Variants in KIF13B observed in about 807,000 individuals in gnomAD.
KIF13B encodes the protein kinesin-like protein KIF13B.
A neutral mutation model predicts 222.0 loss-of-function variants in KIF13B; 127 were observed. The ratio of observed to expected loss-of-function variants is 0.57; its 90% CI spans 0.50 to 0.66. The LOEUF (loss-of-function observed/expected upper bound fraction) is 0.66. KIF13B is among the 30% of genes least tolerant of loss of function. The pLI is 0.00. For synonymous variants in KIF13B, 976 were observed against 919.0 expected (o/e 1.06, Z -1.12); for missense variants, 2,173 against 2,379.0 (o/e 0.91, Z 1.80).
intron 21 of KIF13B, among the ~76,000 whole-genome samples, chr8:29,138,934 A>G (rs1810685268): frequency 6.6e-6 from 1 of 152,112 alleles, no homozygotes; most frequent in Admixed American, 6.5e-5. Flanking sequence ...CAAATTACTA[A>G]TTTTGGCAAT....
chr8:29,127,990 TA>T, intron 24 of KIF13B, among the ~76,000 whole-genome samples: 1 of 151,728 alleles, frequency 6.6e-6, no homozygotes, highest in African/African-American at 2.4e-5. Context: ...TATGACATGT[TA>T]AAGTACCAGT....
At chr8:29,199,385 C>T (rs565581090) in intron 2 of KIF13B, among the ~76,000 whole-genome samples, 4 of 152,018 alleles carry the variant, frequency 2.6e-5, no homozygotes, top group Non-Finnish European at 5.9e-5. Context: ...GAAAAGTCAA[C>T]CCGTCTAGCA....
chr8:29,077,088 C>T (rs989873011), intron 37 of KIF13B, among the ~76,000 whole-genome samples: 2 of 152,214 alleles, frequency 1.3e-5, no homozygotes, highest in African/African-American at 2.4e-5. Context: ...CCCAGGACAG[C>T]TAGGACCAGG....
intron 37 of KIF13B, among the ~76,000 whole-genome samples, chr8:29,090,348 A>G: frequency 6.6e-6 from 1 of 152,322 alleles, no homozygotes; most frequent in East Asian, 1.9e-4. Context: ...AGATTTATGC[A>G]TGGAAGGAAA....
intron 14 of KIF13B, among the ~76,000 whole-genome samples, chr8:29,152,410 T>A (rs1304430573): frequency 2.6e-5 from 4 of 152,132 alleles, no homozygotes; most frequent in Non-Finnish European, 5.9e-5. Context: ...AGAGAAATCG[T>A]TCTTGAAAGA....
chr8:29,176,221 A>G, intron 9 of KIF13B, 42 bp from the exon 10 acceptor site: 3 of 1,167,088 alleles, frequency 2.6e-6, no homozygotes, highest in Non-Finnish European at 3.8e-6. Flanking sequence ...AAAATGAAAT[A>G]TATCAAATGT....
intron 35 of KIF13B, among the ~76,000 whole-genome samples, chr8:29,107,330 C>A (rs1296874999): frequency 6.6e-6 from 1 of 151,916 alleles, no homozygotes; most frequent in Non-Finnish European, 1.5e-5. Flanking sequence ...GAGTTTGAGA[C>A]CAGCCTGGCC....
At chr8:29,122,775 AC>A in intron 28 of KIF13B, 129 bp from the exon 29 acceptor site, 1 of 700,456 alleles carries the variant, frequency 1.4e-6, no homozygotes, top group Non-Finnish European at 2.5e-6. Flanking sequence ...CCCTGATTTT[AC>A]TCTAATCCAG....
At chr8:29,228,540 A>T (rs1563808361) in intron 2 of KIF13B, among the ~76,000 whole-genome samples, 1 of 149,844 alleles carries the variant, frequency 6.7e-6, no homozygotes, top group African/African-American at 2.5e-5. Context: ...AGACTAACAA[A>T]CCTAGCATCC....
At chr8:29,087,512 A>G (rs771940853) in intron 37 of KIF13B, among the ~76,000 whole-genome samples, 4 of 152,256 alleles carry the variant, frequency 2.6e-5, no homozygotes, top group Non-Finnish European at 5.9e-5. Context: ...ACCACATAAT[A>G]AAAGAGAAGT....
rs549072189 is a variant in KIF13B at position 29,080,846 on chromosome 8, C to T, written c.4459-5503G>A. On this transcript the variant is annotated intron_variant, in intron 37 of 39. Transcript: ENST00000524189. ...AAGCAGTGCCTCGAAGGACTCAACACCAGAAGGCAACCATGGGTTTCTGAC... is the reference window on the plus strand; with the variant it reads ...AAGCAGTGCCTCGAAGGACTCAACATCAGAAGGCAACCATGGGTTTCTGAC... 3.3e-5 allele frequency among the ~76,000 whole-genome samples: 5 copies of T among 152,280 alleles called. 1 individual carries two copies. The East Asian group carries it at 5.8e-4, about 18-fold the overall frequency.
At chr8:29,132,837 G>A (rs1365050946) in intron 22 of KIF13B, among the ~76,000 whole-genome samples, 2 of 152,156 alleles carry the variant, frequency 1.3e-5, no homozygotes, top group African/African-American at 4.8e-5. Flanking sequence ...AAGGTAGTGT[G>A]TTGCAAAAAC....
Position 29,167,514 on chromosome 8 carries a change from T to C in KIF13B, c.1017A>G (p.Glu339=). Residue 339 remains glutamate (E), a synonymous_variant, in exon 11 of 40, where the codon GAA becomes GAG. Coordinates refer to ENST00000524189, the MANE Select transcript of KIF13B (RefSeq NM_015254.4). ...TVSPAADNYD[E]TLSTLRYADR... ...CTGCATACCGCAGAGTTGAGAGGGTTTCATCATAGTTATCAGCTGCAGGAC... is the reference window on the plus strand; with the variant it reads ...CTGCATACCGCAGAGTTGAGAGGGTCTCATCATAGTTATCAGCTGCAGGAC... 1 of 1,614,040 alleles carries C rather than the reference T, an allele frequency of 6.2e-7. No individual in the cohort carries two copies. Among genetic ancestry groups the C allele is most frequent in the South Asian group, 1.1e-5 (1 of 91,086 alleles).
intron 10 of KIF13B, among the ~76,000 whole-genome samples, chr8:29,170,277 T>C (rs527791662): frequency 7.0e-4 from 106 of 152,342 alleles, no homozygotes; most frequent in African/African-American, 2.5e-3. Context: ...TGTGAAGACA[T>C]ATAATCCAAT....
At chr8:29,156,657 C>T (rs1206518206) in intron 13 of KIF13B, among the ~76,000 whole-genome samples, 1 of 151,770 alleles carries the variant, frequency 6.6e-6, no homozygotes, top group African/African-American at 2.4e-5. Context: ...AGATCACAGG[C>T]AGGCACCACC....
intron 37 of KIF13B, among the ~76,000 whole-genome samples, chr8:29,090,555 C>T (rs538976603): frequency 3.3e-5 from 5 of 151,974 alleles, no homozygotes; most frequent in East Asian, 3.9e-4. Context: ...GAGGACAAGG[C>T]GGTGTGGGCA....
intron 10 of KIF13B, among the ~76,000 whole-genome samples, chr8:29,169,474 T>C (rs1284169675): frequency 6.6e-6 from 1 of 152,242 alleles, no homozygotes; most frequent in Non-Finnish European, 1.5e-5. Context: ...CCAAATTATC[T>C]TGCCCTAGTT....
chr8:29,245,533 T>G lies in KIF13B; in HGVS notation c.56-94A>C, dbSNP rs936443767. ...GAAAAGACAAAAATTCAATACTCTT[T>G]CATAATGCAAACACTCAATGAAGTA... On this transcript the variant is annotated intron_variant, in intron 1 of 39. Coordinates refer to ENST00000524189, the MANE Select transcript of KIF13B (RefSeq NM_015254.4). The G allele has an allele frequency of 3.6e-6, 3 of 839,280 alleles. No homozygotes were observed. The African/African-American group carries it at 5.2e-5, about 15-fold the overall frequency. 52.0% of individuals were successfully genotyped at this position (839,280 alleles called of 1,614,324 possible).
intron 2 of KIF13B, among the ~76,000 whole-genome samples, chr8:29,202,941 G>A (rs1813764233): frequency 6.6e-6 from 1 of 151,870 alleles, no homozygotes; most frequent in South Asian, 2.1e-4. Context: ...ACAAGAGAAA[G>A]GCTCAGATCA....
Sources: gnomAD v4.1 joint callset for allele counts (sites outside exome capture counted in the v4.1 genomes callset) on GRCh38, gnomAD v4.1.1 for gene constraint, MANE v1.5 for transcripts, NCBI Gene and HGNC (gene_info 2026-07-23, HGNC 2026-07-21) for gene names.